Variants in MAF observed in about 807,000 individuals in gnomAD.
MAF encodes the protein MAF bZIP transcription factor.
A neutral mutation model predicts 22.0 loss-of-function variants in MAF; 10 were observed. The ratio of observed to expected loss-of-function variants is 0.45; its 90% confidence interval spans 0.28 to 0.77. The LOEUF (loss-of-function observed/expected upper bound fraction) is 0.77. Ranked by LOEUF, MAF falls within the 30% of genes least tolerant of loss-of-function variation. MAF has a pLI of 0.12. For synonymous variants in MAF, 337 were observed against 255.8 expected (o/e 1.32, Z -3.03); for missense variants, 544 against 548.4 (o/e 0.99, Z 0.08).
At chr16:79,455,378 C>G in the MAF span, among the ~76,000 whole-genome samples, 2 of 152,060 alleles carry the variant, frequency 1.3e-5, no homozygotes, top group Non-Finnish European at 2.9e-5. Context: ...TTATTAGGTG[C>G]TCTGAATAAA....
At chr16:79,469,065 T>A in the MAF span, among the ~76,000 whole-genome samples, 1 of 152,274 alleles carries the variant, frequency 6.6e-6, no homozygotes, top group South Asian at 2.1e-4. Flanking sequence ...CACCCAATCA[T>A]GTGTCCCAAG....
chr16:79,486,088 T>C, the MAF span, among the ~76,000 whole-genome samples: 2 of 152,048 alleles, frequency 1.3e-5, no homozygotes, highest in African/African-American at 4.8e-5. Flanking sequence ...GATTACGGAG[T>C]GTCTCGCATG....
chr16:79,444,420 A>G, the MAF span, among the ~76,000 whole-genome samples: 2 of 152,198 alleles, frequency 1.3e-5, no homozygotes, highest in African/African-American at 4.8e-5. Flanking sequence ...GGTACATTCC[A>G]AAGCATGGCT....
the MAF span, among the ~76,000 whole-genome samples, chr16:79,542,469 T>C: frequency 2.0e-5 from 3 of 152,278 alleles, no homozygotes; most frequent in South Asian, 6.2e-4. Context: ...GGACATGGCC[T>C]ATGGCGGAGT....
chr16:79,370,810 C>G, the MAF span, among the ~76,000 whole-genome samples: 5 of 152,120 alleles, frequency 3.3e-5, no homozygotes, highest in African/African-American at 1.2e-4. Flanking sequence ...TTCACCCCTG[C>G]CCCCACCCTC....
At chr16:79,581,037 T>A (rs1912484969), downstream of MAF, among the ~76,000 whole-genome samples, 1 of 152,110 alleles carries the variant, frequency 6.6e-6, no homozygotes, top group Non-Finnish European at 1.5e-5. Context: ...AGAAGAGAGA[T>A]GCCAAGCATC....
At chr16:79,366,049 A>G in the MAF span, among the ~76,000 whole-genome samples, 1 of 152,204 alleles carries the variant, frequency 6.6e-6, no homozygotes, top group African/African-American at 2.4e-5. Context: ...TGGTTTCTCT[A>G]TAAAACCATT....
the MAF span, among the ~76,000 whole-genome samples, chr16:79,541,021 C>A: frequency 6.6e-6 from 1 of 151,902 alleles, no homozygotes; most frequent in South Asian, 2.1e-4. Context: ...CTACATCACA[C>A]TACTACGGTT....
the MAF span, among the ~76,000 whole-genome samples, chr16:79,526,066 C>T: frequency 6.6e-6 from 1 of 152,290 alleles, no homozygotes; most frequent in Non-Finnish European, 1.5e-5. Context: ...GAATTAACAT[C>T]ATTCAGTTCC....
chr16:79,339,675 C>T, the MAF span, among the ~76,000 whole-genome samples: 1 of 152,052 alleles, frequency 6.6e-6, no homozygotes, highest in African/African-American at 2.4e-5. Context: ...TTTGTTATTC[C>T]TTGTTTGTTG....
the MAF span, among the ~76,000 whole-genome samples, chr16:79,221,584 G>C: frequency 6.6e-6 from 1 of 152,142 alleles, no homozygotes; most frequent in Non-Finnish European, 1.5e-5. Flanking sequence ...ATACAAAACA[G>C]AGCTTCTTAA....
the MAF span, among the ~76,000 whole-genome samples, chr16:79,520,652 G>T: frequency 6.6e-6 from 1 of 152,150 alleles, no homozygotes; most frequent in Non-Finnish European, 1.5e-5. Context: ...GAGAGACAGA[G>T]AGAAAAAAAG....
chr16:79,235,828 G>C, the MAF span, among the ~76,000 whole-genome samples: 2 of 152,046 alleles, frequency 1.3e-5, no homozygotes, highest in Admixed American at 6.6e-5. Context: ...TAATGGTTGT[G>C]ATGGTTGTTA....
the MAF span, among the ~76,000 whole-genome samples, chr16:79,361,999 A>C: frequency 6.6e-6 from 1 of 152,202 alleles, no homozygotes; most frequent in Non-Finnish European, 1.5e-5. Context: ...CGTTAACCCC[A>C]TTTGAAGATG....
At chr16:79,249,243 A>G in the MAF span, among the ~76,000 whole-genome samples, 10 of 152,056 alleles carry the variant, frequency 6.6e-5, no homozygotes, top group Non-Finnish European at 1.3e-4. Flanking sequence ...AACATGAAGA[A>G]ACCCCATCTC....
the MAF span, among the ~76,000 whole-genome samples, chr16:79,359,571 G>A: frequency 6.6e-6 from 1 of 152,204 alleles, no homozygotes; most frequent in Admixed American, 6.5e-5. Flanking sequence ...CCCAATTGCT[G>A]TTCTTTGAAT....
the MAF span, among the ~76,000 whole-genome samples, chr16:79,458,562 G>A: frequency 1.3e-5 from 2 of 152,128 alleles, no homozygotes; most frequent in African/African-American, 2.4e-5. Flanking sequence ...TATCAGTGAC[G>A]ACCAGCTCAT....
chr16:79,336,224 G>A, the MAF span, among the ~76,000 whole-genome samples: 1 of 152,170 alleles, frequency 6.6e-6, no homozygotes, highest in Admixed American at 6.5e-5. Flanking sequence ...TCCACTACTT[G>A]TCACATGGCA....
chr16:79,211,302 CTG>C, the MAF span, among the ~76,000 whole-genome samples: 1 of 152,150 alleles, frequency 6.6e-6, no homozygotes, highest in Non-Finnish European at 1.5e-5. Context: ...ATCTTTTTCT[CTG>C]TGTGGAAGAG....
Sources: gnomAD v4.1 joint callset for allele counts (sites outside exome capture counted in the v4.1 genomes callset) on GRCh38, gnomAD v4.1.1 for gene constraint, MANE v1.5 for transcripts, NCBI Gene and HGNC (gene_info 2026-07-23, HGNC 2026-07-21) for gene names.